Variants in UNC79 observed in about 807,000 individuals in gnomAD.
UNC79 encodes unc-79 subunit of NALCN channel complex, also known as protein unc-79 homolog.
Under a neutral mutation model 283.1 loss-of-function variants are expected in UNC79, and 37 were observed. That is an observed-to-expected ratio of 0.13 (90% CI 0.10 to 0.17). The LOEUF (loss-of-function observed/expected upper bound fraction) is 0.17, where lower values mean the gene tolerates loss of function less well. Ranked by LOEUF, UNC79 falls within the 10% of genes least tolerant of loss-of-function variation. UNC79 has a pLI of 1.00. For synonymous variants in UNC79, 1,107 were observed against 1,200.2 expected (o/e 0.92, Z 1.61); for missense variants, 2,272 against 3,211.1 (o/e 0.71, Z 7.07).
At chr14:93,341,853 C>T (rs1445346484) in intron 1 of UNC79, among the ~76,000 whole-genome samples, 1 of 152,230 alleles carries the variant, frequency 6.6e-6, no homozygotes, top group Non-Finnish European at 1.5e-5. Context: ...TCTCTTTTGA[C>T]TCCATGTCTC....
intron 1 of UNC79, among the ~76,000 whole-genome samples, chr14:93,380,317 G>T (rs951206652): frequency 1.3e-5 from 2 of 152,128 alleles, no homozygotes; most frequent in Admixed American, 6.5e-5. Flanking sequence ...CATATATGTA[G>T]TAAAAAGTAT....
chr14:93,386,628 CT>C (rs2054779866), intron 1 of UNC79, among the ~76,000 whole-genome samples: 2 of 152,244 alleles, frequency 1.3e-5, no homozygotes, highest in Admixed American at 1.3e-4. Context: ...ACTATTATGG[CT>C]TCATTCTCAT....
intron 14 of UNC79, among the ~76,000 whole-genome samples, chr14:93,559,559 A>AG (rs2062413255): frequency 6.6e-6 from 1 of 151,556 alleles, no homozygotes; most frequent in African/African-American, 2.4e-5. Flanking sequence ...TTACAGTCAA[A>AG]GGGGTTGTTC....
rs2062376683 is a variant in UNC79 at position 93,558,968 on chromosome 14, A to C, written c.1756-12926A>C. On this transcript the variant is annotated intron_variant, in intron 14 of 48. Coordinates refer to ENST00000555664, the Ensembl canonical transcript of UNC79. The stretch of plus-strand genomic sequence containing the variant: ...AAATGGATCAGGATGTGAGTGATAC[A>C]GACTCTGGACCCATGTGCTGCCAAT... 2.0e-5 allele frequency among the ~76,000 whole-genome samples: 3 copies of C among 152,232 alleles called. 1 individual carries two copies. Among genetic ancestry groups the C allele is most frequent in the Admixed American group, 6.5e-5 (1 of 15,290 alleles).
At chr14:93,665,969 A>G (rs968579783) in intron 40 of UNC79, among the ~76,000 whole-genome samples, 2 of 152,062 alleles carry the variant, frequency 1.3e-5, no homozygotes, top group Non-Finnish European at 2.9e-5. Context: ...ACCATTGATA[A>G]TACAAAGCAG....
intron 5 of UNC79, among the ~76,000 whole-genome samples, chr14:93,495,382 C>G (rs903996806): frequency 6.6e-6 from 1 of 152,164 alleles, no homozygotes; most frequent in Admixed American, 6.5e-5. Flanking sequence ...AGAACTCACT[C>G]ACTATCACGG....
Position 93,618,185 on chromosome 14 carries a change from T to C in UNC79, c.4225-7T>C, listed in dbSNP as rs766194138. On this transcript the variant is annotated splice_polypyrimidine_tract_variant and splice_region_variant and intron_variant, in intron 28 of 48. Coordinates refer to ENST00000555664, the Ensembl canonical transcript of UNC79. Reference sequence around the variant, plus strand: ...TTTATCTTTTTCTCTCTCGTTTCATTGGGCAGTATCCATACCGAGACTGTG... The same window carrying C: ...TTTATCTTTTTCTCTCTCGTTTCATCGGGCAGTATCCATACCGAGACTGTG... 309 of 1,602,848 alleles carry C rather than the reference T, an allele frequency of 1.9e-4. No individual in the cohort carries two copies. The highest frequency in any genetic ancestry group is 2.4e-4 in the Non-Finnish European group (278 of 1,175,606).
chr14:93,364,560 T>C (rs531578405), intron 1 of UNC79, among the ~76,000 whole-genome samples: 1 of 66,426 alleles, frequency 1.5e-5, no homozygotes. Flanking sequence ...CCAGGCTCAG[T>C]TTCAACATAT....
intron 13 of UNC79, among the ~76,000 whole-genome samples, chr14:93,542,004 CAAAAAAAAAAAA>C: frequency 1.7e-5 from 1 of 59,900 alleles, no homozygotes; most frequent in African/African-American, 6.2e-5. Flanking sequence ...GACTCCATCT[CAAAAAAAAAAAA>C]AAAAAAAAAA....
intron 1 of UNC79, among the ~76,000 whole-genome samples, chr14:93,401,643 G>A (rs2055109833): frequency 6.6e-6 from 1 of 152,150 alleles, no homozygotes. Flanking sequence ...AATTGTTGTT[G>A]GCTCCTTCTT....
At chr14:93,578,290 C>T (rs1363942393) in intron 18 of UNC79, among the ~76,000 whole-genome samples, 1 of 152,094 alleles carries the variant, frequency 6.6e-6, no homozygotes, top group African/African-American at 2.4e-5. Flanking sequence ...TTTAGAAACA[C>T]CCTAGTGTCA....
intron 30 of UNC79, among the ~76,000 whole-genome samples, chr14:93,629,717 G>T (rs2067867484): frequency 6.6e-6 from 1 of 152,156 alleles, no homozygotes; most frequent in South Asian, 2.1e-4. Context: ...GTGTATGTTT[G>T]TATGAATGTA....
chr14:93,556,838 C>A (rs1369620863), intron 14 of UNC79, among the ~76,000 whole-genome samples: 1 of 152,144 alleles, frequency 6.6e-6, no homozygotes. Flanking sequence ...TCTTTTAAAT[C>A]TTTAATTTCC....
rs1193816704 is a variant in UNC79 at position 93,458,243 on chromosome 14, C to T, written c.23-9428C>T. ...GGAATTAGGACATATACTATCAAAT[C>T]GACAATATTAATAACTAGCACTGGC... On this transcript the variant is annotated intron_variant, in intron 1 of 48. Transcript: ENST00000555664. Among the ~76,000 whole-genome samples the T allele has an allele frequency of 3.3e-5, 5 of 152,224 alleles. No individual in the cohort carries two copies. In the East Asian group the frequency reaches 5.8e-4, roughly 18 times the overall value.
intron 30 of UNC79, among the ~76,000 whole-genome samples, chr14:93,626,797 A>G (rs1035545033): frequency 2.0e-5 from 3 of 152,206 alleles, no homozygotes; most frequent in Non-Finnish European, 4.4e-5. Context: ...GACAAACATT[A>G]GTATAGAGTT....
At chr14:93,386,586 C>A (rs1283633588) in intron 1 of UNC79, among the ~76,000 whole-genome samples, 2 of 152,118 alleles carry the variant, frequency 1.3e-5, no homozygotes, top group East Asian at 3.8e-4. Context: ...AGCAGTGAAG[C>A]CTTTGGGTCC....
rs191342124 is a variant in UNC79 at position 93,668,113 on chromosome 14, A to G, written c.6637-5238A>G. Among the ~76,000 whole-genome samples the G allele has an allele frequency of 3.4e-3, 514 of 152,294 alleles. 3 individuals carry two copies. The highest frequency in any genetic ancestry group is 5.2e-3 in the Admixed American group (80 of 15,296). On this transcript the variant is annotated intron_variant, in intron 40 of 48. Transcript: ENST00000555664. ...CATAAATAAGATGAGAAAGTCTATC[A>G]TCACTGTTTCTATTTATCATGGTGC...
At chr14:93,542,956 A>AT (rs34093801) in intron 14 of UNC79, among the ~76,000 whole-genome samples, 119,789 of 145,348 alleles carry the variant, frequency 0.82, 49,553 homozygotes, top group East Asian at 0.91. Context: ...GACATTGCTG[A>AT]TTTTTTTTTT....
At chr14:93,669,925 A>G (rs2072653551) in intron 40 of UNC79, among the ~76,000 whole-genome samples, 1 of 152,220 alleles carries the variant, frequency 6.6e-6, no homozygotes, top group South Asian at 2.1e-4. Flanking sequence ...ATAACCAGAC[A>G]TATGAGGGGG....
Sources: allele counts gnomAD v4.1 joint callset (sites outside exome capture counted in the v4.1 genomes callset), GRCh38; gene constraint gnomAD v4.1.1; transcripts MANE v1.5; gene names NCBI Gene and HGNC (gene_info 2026-07-23, HGNC 2026-07-21).